Variants in NELL1 observed in about 807,000 individuals in gnomAD.
NELL1 encodes the protein neural EGFL like 1.
NELL1 carries 76 observed loss-of-function variants against 107.4 expected under a neutral mutation model. The ratio of observed to expected loss-of-function variants is 0.71; its 90% CI spans 0.59 to 0.86. NELL1 has a LOEUF of 0.86. Ranked by LOEUF, NELL1 falls within the 40% of genes least tolerant of loss-of-function variation. The probability of loss-of-function intolerance (pLI) is 0.00; values close to 1 mark genes in which losing one functional copy is unlikely to be tolerated. For missense variants in NELL1, 1,024 were observed against 1,005.5 expected (o/e 1.02, Z -0.25); for synonymous variants, 353 against 341.2 (o/e 1.03, Z -0.38).
chr11:21,039,518 C>G (rs1446844655), intron 12 of NELL1, among the ~76,000 whole-genome samples: 1 of 152,130 alleles, frequency 6.6e-6, no homozygotes. Flanking sequence ...TATGTTTACT[C>G]TGTCACAGAA....
Position 21,308,710 on chromosome 11 carries a change from A to G in NELL1, c.1550-62143A>G, listed in dbSNP as rs189801031. Reference sequence around the variant, plus strand: ...CTATCAATTCTTCAACTTTACTTTGAAGTTTATCTAGCTGTGGGAAACCAT... The same window carrying G: ...CTATCAATTCTTCAACTTTACTTTGGAGTTTATCTAGCTGTGGGAAACCAT... On this transcript the variant is annotated intron_variant, in intron 14 of 19. Coordinates refer to ENST00000357134, the MANE Select transcript of NELL1 (RefSeq NM_006157.5). 3.8e-3 allele frequency among the ~76,000 whole-genome samples: 581 copies of G among 152,080 alleles called. 4 individuals are homozygous for G. The highest frequency in any genetic ancestry group is 6.2e-3 in the Admixed American group (95 of 15,218).
intron 2 of NELL1, among the ~76,000 whole-genome samples, chr11:20,684,731 T>C (rs76381330): frequency 0.043 from 6,472 of 152,152 alleles, 450 homozygotes; most frequent in African/African-American, 0.15. Flanking sequence ...GGGACACAAT[T>C]CAATTCTTTT....
At chr11:21,500,786 C>T (rs1855119178) in intron 15 of NELL1, among the ~76,000 whole-genome samples, 1 of 152,094 alleles carries the variant, frequency 6.6e-6, no homozygotes, top group African/African-American at 2.4e-5. Context: ...AGATATGTTA[C>T]CTCATTTGAA....
intron 3 of NELL1, among the ~76,000 whole-genome samples, chr11:20,844,527 A>G (rs1848671609): frequency 6.6e-6 from 1 of 151,938 alleles, no homozygotes. Context: ...ACCCCAATAC[A>G]CCTGAGTCCT....
intron 2 of NELL1, among the ~76,000 whole-genome samples, chr11:20,699,231 A>C (rs1029067683): frequency 6.6e-6 from 1 of 152,064 alleles, no homozygotes; most frequent in Non-Finnish European, 1.5e-5. Context: ...ACAAACAAAA[A>C]AAACAAAACA....
chr11:20,927,517 T>C, intron 8 of NELL1, 75 bp downstream of exon 8: 1 of 1,386,288 alleles, frequency 7.2e-7, no homozygotes, highest in Non-Finnish European at 9.9e-7. Flanking sequence ...TGTAACCTGG[T>C]TCTTTAATAA....
At chr11:21,440,485 G>A (rs1230551727) in intron 15 of NELL1, among the ~76,000 whole-genome samples, 3 of 152,070 alleles carry the variant, frequency 2.0e-5, no homozygotes, top group Non-Finnish European at 2.9e-5. Context: ...TTTATATTCC[G>A]TGAAGTCAGG....
intron 12 of NELL1, among the ~76,000 whole-genome samples, chr11:21,065,086 A>AT (rs1430443181): frequency 6.6e-6 from 1 of 151,972 alleles, no homozygotes; most frequent in East Asian, 1.9e-4. Flanking sequence ...TTCTTTTTGC[A>AT]TTTTTGAGCA....
chr11:21,029,443 T>G (rs1590559029), intron 12 of NELL1, among the ~76,000 whole-genome samples: 2 of 152,216 alleles, frequency 1.3e-5, no homozygotes, highest in South Asian at 4.1e-4. Context: ...TCATAATTTC[T>G]TCCTCAACAT....
intron 3 of NELL1, among the ~76,000 whole-genome samples, chr11:20,792,856 C>T (rs1326660052): frequency 6.6e-6 from 1 of 151,884 alleles, no homozygotes; most frequent in Non-Finnish European, 1.5e-5. Flanking sequence ...ACTTATTAAA[C>T]ATTTAAATGT....
intron 12 of NELL1, among the ~76,000 whole-genome samples, chr11:21,006,725 A>C (rs1186016669): frequency 2.0e-5 from 3 of 152,112 alleles, no homozygotes; most frequent in African/African-American, 7.2e-5. Context: ...AGCTTCAACT[A>C]CATCATGTTT....
intron 14 of NELL1, among the ~76,000 whole-genome samples, chr11:21,281,659 A>G (rs1055545846): frequency 2.0e-5 from 3 of 152,110 alleles, no homozygotes. Flanking sequence ...TGGTAGCCAC[A>G]GGGGTACTTG....
chr11:20,926,617 C>A (rs1329191291), intron 7 of NELL1, among the ~76,000 whole-genome samples: 1 of 152,146 alleles, frequency 6.6e-6, no homozygotes, highest in Non-Finnish European at 1.5e-5. Flanking sequence ...TTTATAATCC[C>A]TTTCCAGCAG....
chr11:21,393,287 T>C lies in NELL1; in HGVS notation c.1645+22339T>C, dbSNP rs552313756. Among the ~76,000 whole-genome samples, 4 of 151,768 alleles carry C rather than the reference T, an allele frequency of 2.6e-5. No individual in the cohort carries two copies. In the East Asian group the frequency reaches 5.9e-4, roughly 22 times the overall value. On this transcript the variant is annotated intron_variant, in intron 15 of 19. Transcript: ENST00000357134. ...GATGGTCCTTTGTGGAAGTTACAAATACCAGGGAGAACTGAGAAATAGTGT... is the reference window on the plus strand; with the variant it reads ...GATGGTCCTTTGTGGAAGTTACAAACACCAGGGAGAACTGAGAAATAGTGT...
chr11:21,538,723 G>A (rs1856210240), intron 16 of NELL1, among the ~76,000 whole-genome samples: 1 of 151,984 alleles, frequency 6.6e-6, no homozygotes, highest in African/African-American at 2.4e-5. Flanking sequence ...TTTTGTCTAG[G>A]CATAGTTATC....
chr11:21,157,450 C>A (rs1438794437), intron 13 of NELL1, among the ~76,000 whole-genome samples: 1 of 151,868 alleles, frequency 6.6e-6, no homozygotes, highest in Non-Finnish European at 1.5e-5. Context: ...AAATGTGTAC[C>A]ATCAGCTTCT....
chr11:21,436,244 G>A (rs1173579660), intron 15 of NELL1, among the ~76,000 whole-genome samples: 2 of 151,894 alleles, frequency 1.3e-5, no homozygotes, highest in Non-Finnish European at 2.9e-5. Flanking sequence ...TGGTAGAGAT[G>A]GGGTTTCACC....
At chr11:21,329,679 G>A (rs1435863026) in intron 14 of NELL1, among the ~76,000 whole-genome samples, 2 of 151,892 alleles carry the variant, frequency 1.3e-5, no homozygotes, top group Non-Finnish European at 2.9e-5. Context: ...TTTGGCATTA[G>A]GTAAATGCTT....
chr11:20,869,846 T>C (rs895447686), intron 4 of NELL1, among the ~76,000 whole-genome samples: 16 of 152,216 alleles, frequency 1.1e-4, no homozygotes, highest in African/African-American at 3.9e-4. Context: ...CCTTATAGCG[T>C]ATCTTCCTGC....
Sources: gnomAD v4.1 joint callset for allele counts (sites outside exome capture counted in the v4.1 genomes callset) on GRCh38, gnomAD v4.1.1 for gene constraint, MANE v1.5 for transcripts, NCBI Gene and HGNC (gene_info 2026-07-23, HGNC 2026-07-21) for gene names.